PDE6C: variants seen among roughly 807,000 people sequenced by gnomAD.
PDE6C encodes the protein cone cGMP-specific 3',5'-cyclic phosphodiesterase subunit alpha'.
In PDE6C, 75 loss-of-function variants were observed where a neutral mutation model predicts 113.1. The observed-to-expected ratio is 0.66, with a 90% CI of 0.55 to 0.80. The LOEUF is 0.80. Ranked by LOEUF, PDE6C falls within the 30% of genes least tolerant of loss-of-function variation. The probability of loss-of-function intolerance (pLI) is 0.00; values close to 1 mark genes in which losing one functional copy is unlikely to be tolerated. For missense variants in PDE6C, 912 were observed against 1,038.6 expected (o/e 0.88, Z 1.67); for synonymous variants, 375 against 363.7 (o/e 1.03, Z -0.35).
chr10:93,641,178 G>A (rs2058558100), intron 14 of PDE6C, 149 bp downstream of exon 14: 1 of 625,996 alleles, frequency 1.6e-6, no homozygotes, highest in South Asian at 1.9e-5. Flanking sequence ...TCCCTCCCAA[G>A]CTTCCGCCTT....
chr10:93,635,516 G>GACC lies in PDE6C; in HGVS notation c.1290_1291insCCA (p.Gly430_Trp431insPro). The GACC allele has an allele frequency of 6.2e-7, 1 of 1,611,174 alleles. No individual in the cohort carries two copies. The highest frequency in any genetic ancestry group is 8.5e-7 in the Non-Finnish European group (1 of 1,177,362). Reference sequence around the variant, plus strand: ...TTTCAGACTCTCACACAATTTCTTGGATGGTCTCTTTTAAATACTGACACC... The same window carrying GACC: ...TTTCAGACTCTCACACAATTTCTTGGACCATGGTCTCTTTTAAATACTGACACC... On this transcript the variant is annotated inframe_insertion, in exon 10 of 22. Coordinates refer to ENST00000371447, the MANE Select transcript of PDE6C (RefSeq NM_006204.4).
In PDE6C at chr10:93,662,557, T is replaced by C. The variant is rs771856389; in HGVS notation, c.2284-3T>C. The C allele has an allele frequency of 6.2e-5, 85 of 1,368,118 alleles. No homozygotes were observed. The highest frequency in any genetic ancestry group is 1.8e-4 in the Middle Eastern group (1 of 5,650). 84.7% of individuals were successfully genotyped at this position (1,368,118 alleles called of 1,614,324 possible). A position where few individuals can be genotyped will look rare whatever the true frequency, so the allele number is the denominator to read the frequency against. On this transcript the variant is annotated splice_region_variant and splice_polypyrimidine_tract_variant and intron_variant, in intron 19 of 21. Coordinates refer to ENST00000371447, the MANE Select transcript of PDE6C (RefSeq NM_006204.4). ...GTCTTAAAGGATTTATTTCTCTTTC[T>C]AGCCTATGATGGACAGAAACAAAAG...
At position 93,634,773 on chromosome 10, in the gene PDE6C, G is replaced by T; in HGVS notation, c.1135G>T (p.Glu379Ter). 1 of 1,614,072 alleles carries T rather than the reference G, an allele frequency of 6.2e-7. No homozygotes were observed. Among genetic ancestry groups the T allele is most frequent in the South Asian group, 1.1e-5 (1 of 91,080 alleles). The change falls in exon 9 of 22, where the codon GAA (glutamate) becomes TAA (stop). Residue 379 changes from glutamate (E) to a stop codon, truncating the protein, a stop_gained. Transcript: ENST00000371447. LOFTEE classifies it high-confidence loss of function. ...YFTFQKGPVD[E>*]TGWVIKNVLS... ...TCGTTTGTAGAAAGGACCTGTAGAC[G>T]AAACTGGTTGGGTCATTAAGAATGT... is the stretch of plus-strand genomic sequence containing the variant.
At chr10:93,644,867 A>T (rs928053203) in intron 14 of PDE6C, among the ~76,000 whole-genome samples, 1 of 110,074 alleles carries the variant, frequency 9.1e-6, no homozygotes, top group Non-Finnish European at 2.1e-5. Context: ...GTATATATAT[A>T]GTACATATAC....
At chr10:93,628,394 G>A (rs2058484085) in intron 7 of PDE6C, among the ~76,000 whole-genome samples, 1 of 152,106 alleles carries the variant, frequency 6.6e-6, no homozygotes, top group Non-Finnish European at 1.5e-5. Context: ...AGACCAGCCT[G>A]GCCAACATGG....
chr10:93,662,437 G>A, intron 19 of PDE6C, 123 bp from the exon 20 acceptor site: 1 of 561,752 alleles, frequency 1.8e-6, no homozygotes, highest in East Asian at 3.3e-5. Flanking sequence ...CACCCAGACT[G>A]GAGACAGAGT....
intron 15 of PDE6C, among the ~76,000 whole-genome samples, chr10:93,651,585 A>G (rs1029039524): frequency 5.9e-5 from 9 of 152,272 alleles, no homozygotes; most frequent in African/African-American, 2.2e-4. Context: ...TTCCTCCCTC[A>G]ACACCTGGGG....
chr10:93,640,378 G>C, intron 12 of PDE6C, 72 bp from the exon 13 acceptor site: 1 of 1,311,564 alleles, frequency 7.6e-7, no homozygotes. Context: ...CATCTTTTTA[G>C]ATAAGATTGC....
chr10:93,626,828 C>T lies in PDE6C; in HGVS notation c.1028C>T (p.Thr343Ile). The change falls in exon 7 of 22, where the codon ACA becomes ATA. Residue 343 changes from threonine (T) to isoleucine (I), a missense_variant. Thr to Ile is a moderately conservative substitution (Grantham distance 89). Coordinates refer to ENST00000371447, the MANE Select transcript of PDE6C (RefSeq NM_006204.4). ...VIPTPPADHW[T>I]LISGLPTYVA... ...AGGACGCCTCCTGCAGACCACTGGA[C>T]ACTCATTAGTGGGTTGCCAACATAT... 2 of 1,613,984 alleles carry T rather than the reference C, an allele frequency of 1.2e-6. No homozygotes were observed. The highest frequency in any genetic ancestry group is 4.5e-5 in the East Asian group (2 of 44,882).
In PDE6C at chr10:93,658,920, A is replaced by G; in HGVS notation, c.2056A>G (p.Lys686Glu). 6.2e-7 allele frequency: 1 copy of G among 1,610,944 alleles called. No homozygotes were observed. Among genetic ancestry groups the G allele is most frequent in the South Asian group, 1.1e-5 (1 of 91,000 alleles). Reference sequence around the variant, plus strand: ...TTCTAGGAAGAGGACCATGTTTCAAAAAATTGTTGATGCCTGTGAACAAAT... The same window carrying G: ...TTCTAGGAAGAGGACCATGTTTCAAGAAATTGTTGATGCCTGTGAACAAAT... ...LYFKKRTMFQ[K>E]IVDACEQMQT... Residue 686 changes from lysine to glutamate, a missense_variant, in exon 17 of 22, where the codon AAA becomes GAA. Lys to Glu is a moderately conservative substitution (Grantham distance 56). Transcript: ENST00000371447.
chr10:93,644,574 A>G (rs989873059), intron 14 of PDE6C, among the ~76,000 whole-genome samples: 1 of 151,846 alleles, frequency 6.6e-6, no homozygotes, highest in Non-Finnish European at 1.5e-5. Context: ...ATTATTCTTT[A>G]CTAGCTATTT....
intron 21 of PDE6C, 23 bp downstream of exon 21, chr10:93,663,201 T>G: frequency 6.2e-7 from 1 of 1,610,328 alleles, no homozygotes; most frequent in Non-Finnish European, 8.5e-7. Flanking sequence ...CTGTTTTTGC[T>G]CCCTGTAATG....
intron 12 of PDE6C, 29 bp downstream of exon 12, chr10:93,640,245 T>C: frequency 1.3e-6 from 2 of 1,592,472 alleles, no homozygotes; most frequent in South Asian, 2.2e-5. Flanking sequence ...TAAAATACTG[T>C]GTGATTCTGT....
chr10:93,619,758 T>C (rs897647842), intron 1 of PDE6C, among the ~76,000 whole-genome samples: 9 of 152,190 alleles, frequency 5.9e-5, no homozygotes, highest in Non-Finnish European at 1.2e-4. Context: ...AAGTAATCTA[T>C]GTAAAGAAAA....
chr10:93,649,168 C>A (rs1241906640), intron 15 of PDE6C, among the ~76,000 whole-genome samples: 1 of 152,142 alleles, frequency 6.6e-6, no homozygotes, highest in Non-Finnish European at 1.5e-5. Context: ...AAGATTCTTT[C>A]CGTGAGCAAA....
Position 93,613,214 on chromosome 10 carries a change from C to T in PDE6C, c.480+9C>T, listed in dbSNP as rs773219155. ...TCCCAGATGTGAAAAAGGTAGGTGG[C>T]CTTATGACAGTGGGGCAGAGGTCTT... On this transcript the variant is annotated intron_variant, in intron 1 of 21. Transcript: ENST00000371447. 3.1e-6 allele frequency: 5 copies of T among 1,613,360 alleles called. No individual in the cohort carries two copies. The South Asian group carries it at 4.4e-5, about 14-fold the overall frequency.
chr10:93,618,102 C>T (rs889244543), intron 1 of PDE6C, among the ~76,000 whole-genome samples: 6 of 151,880 alleles, frequency 4.0e-5, no homozygotes, highest in African/African-American at 1.5e-4. Context: ...AAGGGTGCTC[C>T]GCGGTATGGG....
chr10:93,654,806 CTTTCTT>C lies in PDE6C; in HGVS notation c.1936-950_1936-945del, dbSNP rs772273947. 3.5e-4 allele frequency among the ~76,000 whole-genome samples: 29 copies of C among 82,934 alleles called. No homozygotes were observed. The East Asian group carries it at 6.5e-3, about 19-fold the overall frequency. 54.4% of individuals were successfully genotyped at this position (82,934 alleles called of 152,430 possible). A position where few individuals can be genotyped will look rare whatever the true frequency, so the allele number is the denominator to read the frequency against. On this transcript the variant is annotated intron_variant, in intron 15 of 21. Transcript: ENST00000371447. The stretch of plus-strand genomic sequence containing the variant: ...TCTTTCTTTCTTTCTTTCTTTCTTT[CTTTCTT>C]TTTTTTTTTTTTTGAAACAGGGTCT...
intron 14 of PDE6C, among the ~76,000 whole-genome samples, chr10:93,644,218 G>A (rs1481283857): frequency 2.6e-5 from 4 of 152,108 alleles, no homozygotes; most frequent in South Asian, 2.1e-4. Context: ...ATTTATGGGC[G>A]ATGTCCAGAA....
Sources: allele counts gnomAD v4.1 joint callset (sites outside exome capture counted in the v4.1 genomes callset), GRCh38; gene constraint gnomAD v4.1.1; transcripts MANE v1.5; gene names NCBI Gene and HGNC (gene_info 2026-07-23, HGNC 2026-07-21).